SMARCAD1: variants seen among roughly 807,000 people sequenced by gnomAD.
SMARCAD1 encodes SWI/SNF-related matrix-associated actin-dependent regulator of chromatin subfamily A containing DEAD/H box 1.
SMARCAD1 carries 25 observed loss-of-function variants against 127.1 expected under a neutral mutation model. That is an observed-to-expected ratio of 0.20 (90% CI 0.14 to 0.27). The LOEUF (loss-of-function observed/expected upper bound fraction) is 0.27. SMARCAD1 is among the 10% of genes least tolerant of loss of function. The probability of loss-of-function intolerance (pLI) is 1.00; values close to 1 mark genes in which losing one functional copy is unlikely to be tolerated. For synonymous variants in SMARCAD1, 400 were observed against 396.9 expected, an observed-to-expected ratio of 1.01 and a Z score of -0.09; for missense variants, 807 against 1,206.0, an observed-to-expected ratio of 0.67 and a Z score of 4.90.
At chr4:94,230,400 A>C (rs965944185) in intron 3 of SMARCAD1, among the ~76,000 whole-genome samples, 2 of 152,036 alleles carry the variant, frequency 1.3e-5, no homozygotes, top group Non-Finnish European at 1.5e-5. Flanking sequence ...CAGTTCTAGA[A>C]ATTTTTATTA....
At chr4:94,277,237 G>T in intron 16 of SMARCAD1, 78 bp downstream of exon 16, 1 of 1,543,022 alleles carries the variant, frequency 6.5e-7, no homozygotes, top group Non-Finnish European at 8.9e-7. Flanking sequence ...GGTCTCTTTT[G>T]TTGTTTTCAT....
chr4:94,289,742 T>C lies in SMARCAD1; in HGVS notation c.*208T>C, dbSNP rs148873580. ...AATTTCAAAAAAGAAGCCACAAATATGTAGTTCTGAAGATGTTGAATAATC... is the reference window on the plus strand; with the variant it reads ...AATTTCAAAAAAGAAGCCACAAATACGTAGTTCTGAAGATGTTGAATAATC... On this transcript the variant is annotated 3_prime_UTR_variant, in exon 24 of 24. Coordinates refer to ENST00000354268, the MANE Select transcript of SMARCAD1 (RefSeq NM_020159.5). 337 of 664,210 alleles carry C rather than the reference T, an allele frequency of 5.1e-4. 1 individual carries two copies. The highest frequency in any genetic ancestry group is 5.0e-3 in the African/African-American group (283 of 56,276). The allele number at this position is 664,210 out of a possible 1,614,324, so 41.1% of individuals were successfully genotyped here.
At chr4:94,242,591 T>C (rs1219066517) in intron 6 of SMARCAD1, among the ~76,000 whole-genome samples, 2 of 152,096 alleles carry the variant, frequency 1.3e-5, no homozygotes, top group South Asian at 2.1e-4. Flanking sequence ...TCTAAAATTA[T>C]GCAAATCCTT....
At chr4:94,250,145 T>C (rs764363464) in intron 7 of SMARCAD1, among the ~76,000 whole-genome samples, 19 of 151,950 alleles carry the variant, frequency 1.3e-4, no homozygotes, top group Non-Finnish European at 2.2e-4. Context: ...CTTAATATTT[T>C]ATAAGCTTTC....
chr4:94,241,146 T>A, intron 6 of SMARCAD1, 140 bp downstream of exon 6: 1 of 654,408 alleles, frequency 1.5e-6, no homozygotes, highest in Non-Finnish European at 2.7e-6. Flanking sequence ...CGTCTACATT[T>A]AATTTGTGAC....
chr4:94,241,243 C>G (rs1277632076), intron 6 of SMARCAD1, among the ~76,000 whole-genome samples: 4 of 152,186 alleles, frequency 2.6e-5, no homozygotes, highest in African/African-American at 9.7e-5. Flanking sequence ...GAAAATTTGT[C>G]TAAATGAATC....
chr4:94,243,504 G>T (rs563118135), intron 6 of SMARCAD1, among the ~76,000 whole-genome samples: 1 of 152,288 alleles, frequency 6.6e-6, no homozygotes, highest in East Asian at 1.9e-4. Context: ...ATGTTCTGTG[G>T]TCAACCATTC....
intron 9 of SMARCAD1, chr4:94,253,815 T>A: frequency 3.6e-6 from 2 of 556,678 alleles, no homozygotes; most frequent in Non-Finnish European, 4.6e-6. Context: ...TCTTAAATTT[T>A]GCTTCAACCC....
At chr4:94,267,230 C>CTT (rs1243783410) in intron 10 of SMARCAD1, among the ~76,000 whole-genome samples, 19 of 152,258 alleles carry the variant, frequency 1.2e-4, no homozygotes, top group Non-Finnish European at 2.9e-5. Flanking sequence ...CTCTGAGACC[C>CTT]TTTGTCAGTG....
At chr4:94,283,742 G>A (rs895011044) in intron 22 of SMARCAD1, among the ~76,000 whole-genome samples, 6 of 151,898 alleles carry the variant, frequency 4.0e-5, no homozygotes, top group Non-Finnish European at 7.4e-5. Flanking sequence ...GGAGAACGGC[G>A]TGAACCTGGG....
intron 2 of SMARCAD1, among the ~76,000 whole-genome samples, chr4:94,209,549 G>T (rs1741857063): frequency 6.6e-6 from 1 of 152,106 alleles, no homozygotes; most frequent in Non-Finnish European, 1.5e-5. Context: ...CTGAAAGATT[G>T]GTAACACACA....
chr4:94,271,214 C>T (rs113979583), intron 11 of SMARCAD1, among the ~76,000 whole-genome samples: 50 of 152,284 alleles, frequency 3.3e-4, no homozygotes, highest in African/African-American at 8.7e-4. Flanking sequence ...TTTTCTACAG[C>T]TGCCTTTAAA....
At chr4:94,218,592 C>T (rs1743585735) in intron 2 of SMARCAD1, among the ~76,000 whole-genome samples, 1 of 152,078 alleles carries the variant, frequency 6.6e-6, no homozygotes, top group Admixed American at 6.6e-5. Context: ...CTTTATGTTT[C>T]ACCCTTTCTT....
chr4:94,228,338 G>A (rs889976006), intron 3 of SMARCAD1, among the ~76,000 whole-genome samples: 9 of 151,982 alleles, frequency 5.9e-5, no homozygotes, highest in South Asian at 2.1e-4. Context: ...ATCACTCTTC[G>A]TAAACAGCAA....
chr4:94,275,910 G>T (rs1753229755), intron 14 of SMARCAD1, among the ~76,000 whole-genome samples: 2 of 148,176 alleles, frequency 1.3e-5, no homozygotes, highest in Admixed American at 7.0e-5. Flanking sequence ...CCATTCTCCT[G>T]CCTCAGCCTC....
chr4:94,276,292 A>G (rs749095974), intron 14 of SMARCAD1, 47 bp from the exon 15 acceptor site: 12 of 1,609,098 alleles, frequency 7.5e-6, no homozygotes, highest in East Asian at 2.2e-5. Context: ...CTAGACTCCA[A>G]GCTCTTAAAG....
At chr4:94,284,198 G>A (rs1754519452) in intron 22 of SMARCAD1, among the ~76,000 whole-genome samples, 1 of 151,126 alleles carries the variant, frequency 6.6e-6, no homozygotes, top group Non-Finnish European at 1.5e-5. Context: ...GTGGTGGCAG[G>A]CGCCTGTAGT....
chr4:94,226,021 A>C lies in SMARCAD1; in HGVS notation c.191-98A>C, dbSNP rs1168289093. 3 of 1,031,510 alleles carry C rather than the reference A, an allele frequency of 2.9e-6. No individual in the cohort carries two copies. In the African/African-American group the frequency reaches 4.9e-5, roughly 17 times the overall value. The allele number at this position is 1,031,510 out of a possible 1,614,324, so 63.9% of individuals were successfully genotyped here. A position where few individuals can be genotyped will look rare whatever the true frequency, so the allele number is the denominator to read the frequency against. On this transcript the variant is annotated intron_variant, in intron 2 of 23. Coordinates refer to ENST00000354268, the MANE Select transcript of SMARCAD1 (RefSeq NM_020159.5). ...GAATTTTGATTTTTAGATTGGAAACAATGAATGAAATTTGAGATTTTAGCA... is the reference window on the plus strand; with the variant it reads ...GAATTTTGATTTTTAGATTGGAAACCATGAATGAAATTTGAGATTTTAGCA...
chr4:94,281,799 T>A (rs1488731427), intron 21 of SMARCAD1, among the ~76,000 whole-genome samples: 1 of 152,008 alleles, frequency 6.6e-6, no homozygotes, highest in African/African-American at 2.4e-5. Flanking sequence ...TGCGGGCGGA[T>A]TGGTTGGGCT....
Sources: allele counts gnomAD v4.1 joint callset (sites outside exome capture counted in the v4.1 genomes callset), GRCh38; gene constraint gnomAD v4.1.1; transcripts MANE v1.5; gene names NCBI Gene and HGNC (gene_info 2026-07-23, HGNC 2026-07-21).